ADIG: variants seen among roughly 807,000 people sequenced by gnomAD.
ADIG encodes the protein adipogenin.
In ADIG, 12 loss-of-function variants were observed where a neutral mutation model predicts 10.7. That is an observed-to-expected ratio of 1.12 (90% CI 0.72 to 1.82). The LOEUF is 1.82. ADIG is among the 40% of genes most tolerant of loss of function. ADIG has a pLI of 0.00. For missense variants in ADIG, 72 were observed against 92.5 expected (o/e 0.78, Z 0.91); for synonymous variants, 32 against 35.6 (o/e 0.90, Z 0.36).
At chr20:38,582,715 T>C (rs962921866) in intron 1 of ADIG, among the ~76,000 whole-genome samples, 1 of 152,210 alleles carries the variant, frequency 6.6e-6, no homozygotes, top group Non-Finnish European at 1.5e-5. Flanking sequence ...GGTTTAGGCA[T>C]TGGGCCCCAC....
chr20:38,586,441 T>G (rs564163425), intron 2 of ADIG, among the ~76,000 whole-genome samples: 1 of 152,310 alleles, frequency 6.6e-6, no homozygotes, highest in Non-Finnish European at 1.5e-5. Flanking sequence ...CCTGATGGTC[T>G]TTGGCCAGCT....
intron 1 of ADIG, 43 bp downstream of exon 1, chr20:38,581,417 C>G: frequency 1.9e-6 from 3 of 1,612,498 alleles, no homozygotes; most frequent in Non-Finnish European, 2.5e-6. Context: ...AATCCTGGAG[C>G]TAGGCAGGGG....
chr20:38,581,286 C>T lies in ADIG; in HGVS notation c.36C>T (p.Leu12=), dbSNP rs763401729. ...KYPLMPLVND[L]TFSFLVFWFC... ...CTTTGATGCCGCTGGTGAACGACCT[C>T]ACATTTTCTTTCCTGGTTTTCTGGT... The change falls in exon 1 of 3, where the codon CTC becomes CTT. Residue 12 remains leucine (L), a synonymous_variant. Coordinates refer to ENST00000537425, the MANE Select transcript of ADIG (RefSeq NM_001393816.1). 29 of 1,613,790 alleles carry T rather than the reference C, an allele frequency of 1.8e-5. No homozygotes were observed. The highest frequency in any genetic ancestry group is 1.5e-4 in the South Asian group (14 of 91,072).
chr20:38,581,783 C>T (rs533422761), intron 1 of ADIG, among the ~76,000 whole-genome samples: 80 of 152,312 alleles, frequency 5.3e-4, no homozygotes, highest in Non-Finnish European at 7.8e-4. Flanking sequence ...ATTTCAGCCC[C>T]GCTCACCCTC....
intron 1 of ADIG, among the ~76,000 whole-genome samples, chr20:38,585,199 T>C (rs2088625792): frequency 6.6e-6 from 1 of 152,238 alleles, no homozygotes; most frequent in Admixed American, 6.5e-5. Context: ...ATTATGCCCA[T>C]TGTACAAAAA....
intron 2 of ADIG, among the ~76,000 whole-genome samples, chr20:38,586,544 C>T (rs1260676333): frequency 6.6e-6 from 1 of 152,126 alleles, no homozygotes; most frequent in Admixed American, 6.5e-5. Flanking sequence ...CCACCCTATT[C>T]GATATTGAAG....
rs767298970 is a variant in ADIG at position 38,581,391 on chromosome 20, G to A, written c.124+17G>A. The A allele has an allele frequency of 3.2e-5, 51 of 1,613,636 alleles. 1 individual carries two copies. Among genetic ancestry groups the A allele is most frequent in the South Asian group, 3.1e-4 (28 of 91,078 alleles). The stretch of plus-strand genomic sequence containing the variant: ...TTAGCCAAGGTGAGCTTCTTACCCC[G>A]TCCAGGCAGGACCCTAATCCTGGAG... On this transcript the variant is annotated intron_variant, in intron 1 of 2. Coordinates refer to ENST00000537425, the MANE Select transcript of ADIG (RefSeq NM_001393816.1).
chr20:38,581,261 C>G lies in ADIG; in HGVS notation c.11C>G (p.Pro4Arg), dbSNP rs779961198. Reference protein sequence around the residue: MKYPLMPLVNDLTF... With the variant: MKYRLMPLVNDLTF... ...AGCCACACATGCGCCATGAAGTACC[C>G]TTTGATGCCGCTGGTGAACGACCTC... Residue 4 changes from proline to arginine, a missense_variant, in exon 1 of 3, where the codon CCT becomes CGT. Coordinates refer to ENST00000537425, the MANE Select transcript of ADIG (RefSeq NM_001393816.1). The G allele has an allele frequency of 6.2e-7, 1 of 1,612,470 alleles. No homozygotes were observed. Among genetic ancestry groups the G allele is most frequent in the South Asian group, 1.1e-5 (1 of 90,862 alleles).
rs140174285 is a variant in ADIG at position 38,581,241 on chromosome 20, C to T, written c.-10C>T. 261 of 1,605,174 alleles carry T rather than the reference C, an allele frequency of 1.6e-4. 1 individual carries two copies. Among genetic ancestry groups the T allele is most frequent in the South Asian group, 1.1e-3 (103 of 90,134 alleles). On this transcript the variant is annotated 5_prime_UTR_variant, in exon 1 of 3. Coordinates refer to ENST00000537425, the MANE Select transcript of ADIG (RefSeq NM_001393816.1). ...AGCCCAGGCTGGCCCAGCTTAGCCA[C>T]ACATGCGCCATGAAGTACCCTTTGA...
chr20:38,586,544 C>A (rs1260676333), intron 2 of ADIG, among the ~76,000 whole-genome samples: 2 of 152,126 alleles, frequency 1.3e-5, no homozygotes, highest in Non-Finnish European at 2.9e-5. Context: ...CCACCCTATT[C>A]GATATTGAAG....
At position 38,585,519 on chromosome 20, in the gene ADIG, C is replaced by G. The variant is rs1158446177; in HGVS notation, c.125-510C>G. ...GCCATCAGACGGAGGGTCCGGGTCT[C>G]CATGTGGTGTGACTCTCCCACAGCT... On this transcript the variant is annotated intron_variant, in intron 1 of 2. Transcript: ENST00000537425. 4 of 1,550,452 alleles carry G rather than the reference C, an allele frequency of 2.6e-6. No individual in the cohort carries two copies. The Admixed American group carries it at 7.8e-5, about 30-fold the overall frequency.
In ADIG at chr20:38,581,393, C is replaced by T. The variant is rs146845495; in HGVS notation, c.124+19C>T. The T allele has an allele frequency of 1.8e-3, 2,853 of 1,613,728 alleles. 55 individuals carry two copies. In the African/African-American group the frequency reaches 0.034, roughly 19 times the overall value. ...AGCCAAGGTGAGCTTCTTACCCCGTCCAGGCAGGACCCTAATCCTGGAGCT... is the reference window on the plus strand; with the variant it reads ...AGCCAAGGTGAGCTTCTTACCCCGTTCAGGCAGGACCCTAATCCTGGAGCT... On this transcript the variant is annotated intron_variant, in intron 1 of 2. Coordinates refer to ENST00000537425, the MANE Select transcript of ADIG (RefSeq NM_001393816.1).
intron 1 of ADIG, among the ~76,000 whole-genome samples, chr20:38,584,817 C>T (rs2145579161): frequency 6.6e-6 from 1 of 151,824 alleles, no homozygotes; most frequent in Non-Finnish European, 1.5e-5. Context: ...CTCGCTCTGT[C>T]ACCAGGTTGG....
intron 1 of ADIG, among the ~76,000 whole-genome samples, chr20:38,584,924 C>T (rs1477354138): frequency 2.0e-5 from 3 of 152,266 alleles, no homozygotes; most frequent in East Asian, 1.9e-4. Flanking sequence ...ACTACAGGTG[C>T]GCACCACCAC....
In ADIG at chr20:38,581,322, T is replaced by C. The variant is rs1461808076; in HGVS notation, c.72T>C (p.Pro24=). The C allele has an allele frequency of 6.2e-7, 1 of 1,613,854 alleles. No individual in the cohort carries two copies. Among genetic ancestry groups the C allele is most frequent in the East Asian group, 2.2e-5 (1 of 44,892 alleles). ...TCCTGGTTTTCTGGTTCTGCCTCCC[T>C]GTGGGTTTGCTGTTGTTATTGATCA... The part of the protein sequence containing the change: ...FSFLVFWFCL[P]VGLLLLLIIW... The change falls in exon 1 of 3, where the codon CCT becomes CCC. Residue 24 remains proline, a synonymous_variant. Coordinates refer to ENST00000537425, the MANE Select transcript of ADIG (RefSeq NM_001393816.1).
rs2088589538 is a variant in ADIG at position 38,581,338 on chromosome 20, T to C, written c.88T>C (p.Leu30=). 1.2e-6 allele frequency: 2 copies of C among 1,614,030 alleles called. No individual in the cohort carries two copies. Among genetic ancestry groups the C allele is most frequent in the Non-Finnish European group, 1.7e-6 (2 of 1,179,892 alleles). ...CTGCCTCCCTGTGGGTTTGCTGTTG[T>C]TATTGATCATCTGGCTACGCTTCTT... is the stretch of plus-strand genomic sequence containing the variant. ...WFCLPVGLLL[L]LIIWLRFLLS... The change falls in exon 1 of 3, where the codon TTA becomes CTA. Residue 30 remains leucine (L), a synonymous_variant. Coordinates refer to ENST00000537425, the MANE Select transcript of ADIG (RefSeq NM_001393816.1).
Position 38,588,201 on chromosome 20 carries a change from T to C in ADIG, c.*115T>C, listed in dbSNP as rs2088653729. 1 of 1,304,622 alleles carries C rather than the reference T, an allele frequency of 7.7e-7. No individual in the cohort carries two copies. Among genetic ancestry groups the C allele is most frequent in the Non-Finnish European group, 1.0e-6 (1 of 988,948 alleles). 80.8% of individuals were successfully genotyped at this position (1,304,622 alleles called of 1,614,324 possible). ...GACTTTGGCAACTGTGGTGCCTCCC[T>C]GGAACCCCCAACTCATCTCCTCTTC... On this transcript the variant is annotated 3_prime_UTR_variant, in exon 3 of 3. Transcript: ENST00000537425.
chr20:38,582,196 G>T (rs2088595971), intron 1 of ADIG, among the ~76,000 whole-genome samples: 1 of 152,220 alleles, frequency 6.6e-6, no homozygotes, highest in Non-Finnish European at 1.5e-5. Context: ...GGTTGCTTGA[G>T]CCCAGGAGTT....
intron 1 of ADIG, 129 bp downstream of exon 1, chr20:38,581,503 C>T (rs2088591348): frequency 1.5e-6 from 2 of 1,343,544 alleles, no homozygotes; most frequent in African/African-American, 1.5e-5. Context: ...CGCTTAGATA[C>T]AAGCAGTCAA....
Sources: gnomAD v4.1 joint callset for allele counts (sites outside exome capture counted in the v4.1 genomes callset) on GRCh38, gnomAD v4.1.1 for gene constraint, MANE v1.5 for transcripts, NCBI Gene and HGNC (gene_info 2026-07-23, HGNC 2026-07-21) for gene names.